The following MAP2K6 variants were observed in gnomAD, a reference collection of about 807,000 sequenced individuals.
MAP2K6 encodes the protein dual specificity mitogen-activated protein kinase kinase 6.
In MAP2K6, 16 loss-of-function variants were observed where a neutral mutation model predicts 53.7. The observed-to-expected ratio is 0.30, with a 90% confidence interval of 0.20 to 0.45. MAP2K6 has a LOEUF of 0.45. Ranked by LOEUF, MAP2K6 falls within the 20% of genes least tolerant of loss-of-function variation. MAP2K6 has a pLI of 1.00. For synonymous variants in MAP2K6, 132 were observed against 143.1 expected (o/e 0.92, Z 0.55); for missense variants, 204 against 411.9 (o/e 0.50, Z 4.37).
At chr17:69,530,937 A>G (rs1911052355) in intron 10 of MAP2K6, among the ~76,000 whole-genome samples, 1 of 152,202 alleles carries the variant, frequency 6.6e-6, no homozygotes, top group African/African-American at 2.4e-5. Context: ...TTAACAGAAG[A>G]GTACCTCTTC....
At chr17:69,509,510 G>C (rs1216826204) in intron 2 of MAP2K6, among the ~76,000 whole-genome samples, 1 of 152,134 alleles carries the variant, frequency 6.6e-6, no homozygotes, top group Admixed American at 6.5e-5. Context: ...ATTAGTTCTA[G>C]AAGCTTGTCA....
chr17:69,491,902 A>ATT, intron 1 of MAP2K6, among the ~76,000 whole-genome samples: 2 of 151,884 alleles, frequency 1.3e-5, no homozygotes, highest in Admixed American at 1.3e-4. Context: ...TGTGGTTTTA[A>ATT]TGATCAGTGA....
chr17:69,449,814 C>T (rs914099728), intron 1 of MAP2K6, among the ~76,000 whole-genome samples: 6 of 151,196 alleles, frequency 4.0e-5, no homozygotes, highest in African/African-American at 1.5e-4. Context: ...GGGGTTTCAC[C>T]ATGTTAGCCA....
chr17:69,427,841 A>G (rs1906322612), intron 1 of MAP2K6, among the ~76,000 whole-genome samples: 1 of 152,224 alleles, frequency 6.6e-6, no homozygotes, highest in Non-Finnish European at 1.5e-5. Flanking sequence ...AAGTAGAGGA[A>G]AACAATGCAG....
At chr17:69,534,505 T>C (rs1465306240) in intron 10 of MAP2K6, among the ~76,000 whole-genome samples, 1 of 152,072 alleles carries the variant, frequency 6.6e-6, no homozygotes, top group East Asian at 1.9e-4. Context: ...CAGCATTGCC[T>C]GGAACAAACT....
rs115556181 is a variant in MAP2K6 at position 69,458,202 on chromosome 17, C to T, written c.16+43202C>T. The stretch of plus-strand genomic sequence containing the variant: ...CCAAGTAGCTGGGGCTACAGGTGCC[C>T]GCCATCAAGCCCGCTAATTTTTGTA... On this transcript the variant is annotated intron_variant, in intron 1 of 11. Transcript: ENST00000590474. 5.8e-3 allele frequency among the ~76,000 whole-genome samples: 877 copies of T among 152,078 alleles called. 5 individuals are homozygous for T. Among genetic ancestry groups the T allele is most frequent in the African/African-American group, 0.02 (834 of 41,474 alleles).
At chr17:69,441,427 A>T (rs931191901) in intron 1 of MAP2K6, among the ~76,000 whole-genome samples, 4 of 151,494 alleles carry the variant, frequency 2.6e-5, no homozygotes, top group African/African-American at 9.7e-5. Context: ...CCATCCATTG[A>T]GTTTTTGAAT....
At chr17:69,463,044 C>T (rs756096395) in intron 1 of MAP2K6, among the ~76,000 whole-genome samples, 15 of 148,742 alleles carry the variant, frequency 1.0e-4, no homozygotes, top group Non-Finnish European at 1.8e-4. Context: ...GACTCCTTCA[C>T]GGTAATGGGA....
chr17:69,431,616 T>C (rs1023808275), intron 1 of MAP2K6, among the ~76,000 whole-genome samples: 2 of 152,218 alleles, frequency 1.3e-5, no homozygotes, highest in Admixed American at 1.3e-4. Flanking sequence ...GAGGTATAGC[T>C]AGGCCTGGTA....
chr17:69,531,767 C>G (rs1461298195), intron 10 of MAP2K6, among the ~76,000 whole-genome samples: 2 of 152,056 alleles, frequency 1.3e-5, no homozygotes, highest in African/African-American at 4.8e-5. Context: ...TTTTCTTCCT[C>G]TTTTTCCTAT....
chr17:69,530,581 G>C (rs1371030588), intron 10 of MAP2K6, among the ~76,000 whole-genome samples: 1 of 152,096 alleles, frequency 6.6e-6, no homozygotes, highest in Non-Finnish European at 1.5e-5. Context: ...CTTATCCTCA[G>C]TTTGACTTTT....
intron 1 of MAP2K6, among the ~76,000 whole-genome samples, chr17:69,496,365 G>C (rs751044042): frequency 6.7e-6 from 1 of 149,920 alleles, no homozygotes; most frequent in Non-Finnish European, 1.5e-5. Flanking sequence ...TCTGCCTCCC[G>C]GGTTCCAGCG....
intron 1 of MAP2K6, among the ~76,000 whole-genome samples, chr17:69,486,966 T>C (rs577928159): frequency 1.3e-5 from 2 of 152,192 alleles, no homozygotes; most frequent in East Asian, 1.9e-4. Flanking sequence ...TGAAAATATG[T>C]TGGGCAAAGG....
intron 1 of MAP2K6, among the ~76,000 whole-genome samples, chr17:69,418,324 G>T (rs945562820): frequency 6.6e-6 from 1 of 152,142 alleles, no homozygotes; most frequent in African/African-American, 2.4e-5. Flanking sequence ...AAAGAGTTGA[G>T]ATTCTCTTGT....
At chr17:69,520,680 C>T in intron 6 of MAP2K6, 2 of 377,682 alleles carry the variant, frequency 5.3e-6, no homozygotes, top group Non-Finnish European at 4.7e-6. Flanking sequence ...TTTTGATTTT[C>T]ATTTATGGAT....
chr17:69,521,009 G>A, intron 6 of MAP2K6, 40 bp from the exon 7 acceptor site: 1 of 1,484,592 alleles, frequency 6.7e-7, no homozygotes, highest in Admixed American at 1.8e-5. Flanking sequence ...TTTCTTTCCA[G>A]CAATGTGATA....
At chr17:69,522,790 T>A (rs1910546698) in intron 7 of MAP2K6, among the ~76,000 whole-genome samples, 1 of 151,440 alleles carries the variant, frequency 6.6e-6, no homozygotes, top group African/African-American at 2.4e-5. Flanking sequence ...GCTTGGTGGC[T>A]CACACCTGTA....
intron 1 of MAP2K6, among the ~76,000 whole-genome samples, chr17:69,498,590 C>G (rs1909031358): frequency 6.6e-6 from 1 of 151,456 alleles, no homozygotes; most frequent in South Asian, 2.1e-4. Context: ...GACTTTTTAG[C>G]ACTTAGAGAC....
At chr17:69,536,455 A>G (rs1377667790) in intron 11 of MAP2K6, among the ~76,000 whole-genome samples, 1 of 152,234 alleles carries the variant, frequency 6.6e-6, no homozygotes, top group Non-Finnish European at 1.5e-5. Flanking sequence ...AGATATGAGA[A>G]GCCTCATATT....
Sources: gnomAD v4.1 joint callset for allele counts (sites outside exome capture counted in the v4.1 genomes callset) on GRCh38, gnomAD v4.1.1 for gene constraint, MANE v1.5 for transcripts, NCBI Gene and HGNC (gene_info 2026-07-23, HGNC 2026-07-21) for gene names.